ADGRV1: variants seen among roughly 807,000 people sequenced by gnomAD.
ADGRV1 encodes adhesion G protein-coupled receptor V1.
Under a neutral mutation model 596.2 loss-of-function variants are expected in ADGRV1, and 359 were observed. The ratio of observed to expected loss-of-function variants is 0.60; its 90% confidence interval spans 0.55 to 0.66. The LOEUF (loss-of-function observed/expected upper bound fraction) is 0.66, where lower values mean the gene tolerates loss of function less well. Among genes scored for constraint, ADGRV1 ranks in the 30% least tolerant of loss-of-function variants. The pLI is 0.00. For missense variants in ADGRV1, 7,274 were observed against 7,575.6 expected, an observed-to-expected ratio of 0.96 and a Z score of 1.48; for synonymous variants, 2,681 against 2,679.2, an observed-to-expected ratio of 1.00 and a Z score of -0.02.
chr5:90,963,238 CTTTA>C (rs897494237), intron 83 of ADGRV1, among the ~76,000 whole-genome samples: 16 of 152,086 alleles, frequency 1.1e-4, no homozygotes, highest in African/African-American at 3.9e-4. Flanking sequence ...CTTTTTTATC[CTTTA>C]TTTATTTATT....
intron 88 of ADGRV1, 119 bp downstream of exon 88, chr5:91,150,340 T>C (rs1582225128): frequency 2.7e-6 from 2 of 739,104 alleles, no homozygotes; most frequent in Non-Finnish European, 4.0e-6. Flanking sequence ...TCATAAAGAG[T>C]ACAAGATGAA....
chr5:90,915,205 G>A (rs1009082463), intron 83 of ADGRV1, among the ~76,000 whole-genome samples: 1 of 151,940 alleles, frequency 6.6e-6, no homozygotes, highest in African/African-American at 2.4e-5. Flanking sequence ...TCATAGAAAA[G>A]GTATTCCAAT....
chr5:90,715,540 A>G (rs1239449591), intron 42 of ADGRV1, among the ~76,000 whole-genome samples: 2 of 152,174 alleles, frequency 1.3e-5, no homozygotes, highest in Non-Finnish European at 2.9e-5. Context: ...AGGTGCTGAC[A>G]GTGTCTGCCA....
intron 76 of ADGRV1, among the ~76,000 whole-genome samples, chr5:90,828,234 T>C (rs1203590760): frequency 3.3e-5 from 5 of 152,108 alleles, no homozygotes; most frequent in African/African-American, 9.7e-5. Flanking sequence ...TTTTGAAAAA[T>C]ACATAAAACT....
intron 83 of ADGRV1, among the ~76,000 whole-genome samples, chr5:90,881,287 T>A (rs1398292592): frequency 6.6e-6 from 1 of 152,204 alleles, no homozygotes; most frequent in Non-Finnish European, 1.5e-5. Context: ...ATTTCTGGCT[T>A]AATCAAATTA....
intron 9 of ADGRV1, among the ~76,000 whole-genome samples, chr5:90,631,370 G>T (rs6880370): frequency 0.99 from 150,109 of 152,174 alleles, 74,042 homozygotes; most frequent in East Asian, 1. Context: ...GTGCTGTTAG[G>T]GCATTTTTCG....
chr5:90,651,956 G>A (rs1051007175), intron 18 of ADGRV1, among the ~76,000 whole-genome samples: 2 of 142,656 alleles, frequency 1.4e-5, no homozygotes, highest in Non-Finnish European at 3.0e-5. Context: ...CACCCCCCTC[G>A]TTCAAACTTC....
intron 85 of ADGRV1, among the ~76,000 whole-genome samples, chr5:91,051,593 C>T (rs1256835617): frequency 7.5e-6 from 1 of 133,962 alleles, no homozygotes; most frequent in Admixed American, 8.9e-5. Context: ...GTCGCCCAGG[C>T]TGGAGTGCAG....
At chr5:91,060,659 T>G (rs1199595200) in intron 85 of ADGRV1, among the ~76,000 whole-genome samples, 1 of 152,216 alleles carries the variant, frequency 6.6e-6, no homozygotes, top group Non-Finnish European at 1.5e-5. Flanking sequence ...GATGATTTCT[T>G]AATGGTTTTA....
At chr5:91,024,777 G>C (rs1783892529) in intron 85 of ADGRV1, among the ~76,000 whole-genome samples, 1 of 152,080 alleles carries the variant, frequency 6.6e-6, no homozygotes. Flanking sequence ...TCAGTAGAAG[G>C]CATGCCCTTT....
chr5:90,770,533 T>C (rs1225045644), intron 59 of ADGRV1, among the ~76,000 whole-genome samples: 1 of 152,218 alleles, frequency 6.6e-6, no homozygotes, highest in Non-Finnish European at 1.5e-5. Context: ...TTTTAATCTT[T>C]AGTTTCTTTC....
At chr5:90,734,379 C>A (rs967868100) in intron 50 of ADGRV1, among the ~76,000 whole-genome samples, 17 of 152,196 alleles carry the variant, frequency 1.1e-4, no homozygotes, top group African/African-American at 4.1e-4. Context: ...TTTCTACCAA[C>A]AGTGCATCTG....
At chr5:90,926,940 G>A (rs543044696) in intron 83 of ADGRV1, among the ~76,000 whole-genome samples, 22 of 152,096 alleles carry the variant, frequency 1.4e-4, no homozygotes, top group East Asian at 3.9e-4. Flanking sequence ...GTAGTTGAGC[G>A]GTTGTGAGTG....
chr5:90,587,280 T>C (rs1195889278), intron 1 of ADGRV1, among the ~76,000 whole-genome samples: 1 of 152,176 alleles, frequency 6.6e-6, no homozygotes, highest in Non-Finnish European at 1.5e-5. Context: ...ATTTTGCATA[T>C]TTCTTTCCCC....
intron 59 of ADGRV1, among the ~76,000 whole-genome samples, chr5:90,765,486 G>T (rs1757018393): frequency 6.7e-6 from 1 of 148,318 alleles, no homozygotes; most frequent in African/African-American, 2.5e-5. Flanking sequence ...CTAGATATCT[G>T]AAATCAAATT....
At chr5:91,130,697 C>G (rs1794141971) in intron 87 of ADGRV1, among the ~76,000 whole-genome samples, 1 of 151,990 alleles carries the variant, frequency 6.6e-6, no homozygotes, top group South Asian at 2.1e-4. Context: ...TTGCATGATG[C>G]TGGGGTTTGG....
chr5:90,971,960 T>A (rs1290194051), intron 84 of ADGRV1, among the ~76,000 whole-genome samples: 2 of 152,126 alleles, frequency 1.3e-5, no homozygotes, highest in Non-Finnish European at 2.9e-5. Context: ...GAGACCCATC[T>A]CATGGGCAGA....
At chr5:91,034,551 A>G (rs1203069570) in intron 85 of ADGRV1, among the ~76,000 whole-genome samples, 1 of 152,184 alleles carries the variant, frequency 6.6e-6, no homozygotes, top group Non-Finnish European at 1.5e-5. Flanking sequence ...CCTTATCACA[A>G]GAAAGTCAGG....
In ADGRV1 at chr5:90,690,062, C is replaced by G. The variant is rs779466100; in HGVS notation, c.6692C>G (p.Pro2231Arg). 2 of 1,560,634 alleles carry G rather than the reference C, an allele frequency of 1.3e-6. No homozygotes were observed. The highest frequency in any genetic ancestry group is 1.2e-5 in the South Asian group (1 of 85,898). The change falls in exon 30 of 90, where the codon CCC becomes CGC. Residue 2231 changes from proline (P) to arginine (R), a missense_variant. By Grantham distance (103) the Pro-to-Arg change is moderately radical. Coordinates refer to ENST00000405460, the MANE Select transcript of ADGRV1 (RefSeq NM_032119.4). ...ATTATTATTGAGGCCTCTGATGACC[C>G]CTATGGATTATTTGGTATGAAGACT... ...AVIIIEASDD[P>R]YGLFGFQITK...
Sources: allele counts gnomAD v4.1 joint callset (sites outside exome capture counted in the v4.1 genomes callset), GRCh38; gene constraint gnomAD v4.1.1; transcripts MANE v1.5; gene names NCBI Gene and HGNC (gene_info 2026-07-23, HGNC 2026-07-21).